The following EYS variants were observed in gnomAD, a reference collection of about 807,000 sequenced individuals.
EYS encodes the protein EGF-like photoreceptor maintenance factor.
A neutral mutation model predicts 282.1 loss-of-function variants in EYS; 250 were observed. The observed-to-expected ratio is 0.89, with a 90% CI of 0.80 to 0.98. EYS has a LOEUF of 0.98. Ranked by LOEUF, EYS falls within the 50% of genes least tolerant of loss-of-function variation. The probability of loss-of-function intolerance (pLI) is 0.00; values close to 1 mark genes in which losing one functional copy is unlikely to be tolerated. For synonymous variants in EYS, 1,355 were observed against 1,282.9 expected (o/e 1.06, Z -1.20); for missense variants, 4,016 against 3,709.0 (o/e 1.08, Z -2.15).
intron 35 of EYS, among the ~76,000 whole-genome samples, chr6:63,867,104 G>T (rs551024062): frequency 2.6e-5 from 4 of 152,072 alleles, no homozygotes; most frequent in Non-Finnish European, 5.9e-5. Context: ...GTAGCAAAAG[G>T]CAGTGTTGAC....
At chr6:65,604,501 G>A (rs1765716528) in intron 2 of EYS, among the ~76,000 whole-genome samples, 2 of 151,866 alleles carry the variant, frequency 1.3e-5, no homozygotes, top group African/African-American at 4.8e-5. Flanking sequence ...CTATCCACAT[G>A]AGTACTAAAA....
At position 64,082,563 on chromosome 6, in the gene EYS, T is replaced by C. The variant is rs1301664232; in HGVS notation, c.6425-561A>G. Among the ~76,000 whole-genome samples the C allele has an allele frequency of 7.2e-5, 11 of 152,224 alleles. No individual in the cohort carries two copies. In the East Asian group the frequency reaches 1.9e-3, roughly 27 times the overall value. On this transcript the variant is annotated intron_variant, in intron 31 of 42. Coordinates refer to ENST00000503581, the MANE Select transcript of EYS (RefSeq NM_001142800.2). ...ATAAATTTTATTTGATGTAATTATA[T>C]GTCAATAAAGTGAAAAAAATTCTGT...
intron 35 of EYS, among the ~76,000 whole-genome samples, chr6:63,880,841 T>C (rs1773113925): frequency 6.6e-6 from 1 of 152,224 alleles, no homozygotes; most frequent in African/African-American, 2.4e-5. Flanking sequence ...ACTAAATCTC[T>C]TGGAATCAGT....
At chr6:64,008,963 T>C (rs1768477245) in intron 33 of EYS, among the ~76,000 whole-genome samples, 1 of 152,156 alleles carries the variant, frequency 6.6e-6, no homozygotes, top group African/African-American at 2.4e-5. Context: ...TCATCTTGTA[T>C]AGTATCTAAC....
intron 35 of EYS, among the ~76,000 whole-genome samples, chr6:63,936,387 T>C (rs966081342): frequency 6.6e-6 from 1 of 152,224 alleles, no homozygotes; most frequent in Non-Finnish European, 1.5e-5. Flanking sequence ...CATCCCTGGA[T>C]CATCATTGTT....
At chr6:63,956,679 T>C (rs1340666588) in intron 35 of EYS, among the ~76,000 whole-genome samples, 1 of 152,250 alleles carries the variant, frequency 6.6e-6, no homozygotes, top group African/African-American at 2.4e-5. Flanking sequence ...TATGAAATTA[T>C]TTAATCAAGC....
chr6:65,187,553 C>T (rs1189145393), intron 12 of EYS, among the ~76,000 whole-genome samples: 2 of 151,710 alleles, frequency 1.3e-5, no homozygotes, highest in Middle Eastern at 3.4e-3. Flanking sequence ...GTTTTCACTT[C>T]TATTTGAGAA....
intron 12 of EYS, among the ~76,000 whole-genome samples, chr6:65,070,809 G>C (rs976959033): frequency 1.3e-5 from 2 of 151,736 alleles, no homozygotes; most frequent in Admixed American, 1.3e-4. Context: ...CCACTCAACT[G>C]TAAACAGAAC....
At chr6:65,364,488 A>G (rs560662518) in intron 8 of EYS, among the ~76,000 whole-genome samples, 1 of 151,316 alleles carries the variant, frequency 6.6e-6, no homozygotes, top group African/African-American at 2.4e-5. Context: ...TGCACTTCAG[A>G]TATGTTTTAA....
intron 22 of EYS, among the ~76,000 whole-genome samples, chr6:64,759,371 T>A (rs1773086112): frequency 6.6e-6 from 1 of 152,164 alleles, no homozygotes; most frequent in Non-Finnish European, 1.5e-5. Context: ...AATTAATAAC[T>A]TATTTTTAGG....
chr6:64,881,935 A>G lies in EYS; in HGVS notation c.2992+4762T>C, dbSNP rs542617043. On this transcript the variant is annotated intron_variant, in intron 19 of 42. Transcript: ENST00000503581. ...AATAAGTTAATTAAAAGTACTATTA[A>G]TGTTTGTAATTCAATGATATAAACA... 7.2e-5 allele frequency among the ~76,000 whole-genome samples: 11 copies of G among 151,996 alleles called. No individual in the cohort carries two copies. In the East Asian group the frequency reaches 2.1e-3, roughly 29 times the overall value.
intron 29 of EYS, among the ~76,000 whole-genome samples, chr6:64,348,111 G>T (rs1046692254): frequency 2.6e-5 from 4 of 151,228 alleles, no homozygotes; most frequent in Non-Finnish European, 5.9e-5. Flanking sequence ...CTTGCTAAAA[G>T]AACTGATTGA....
At position 64,115,326 on chromosome 6, in the gene EYS, G is replaced by T. The variant is rs139871120; in HGVS notation, c.6425-33324C>A. 3.3e-5 allele frequency among the ~76,000 whole-genome samples: 5 copies of T among 152,216 alleles called. No homozygotes were observed. The East Asian group carries it at 9.7e-4, about 29-fold the overall frequency. ...GAACTGTAGTCATTGTGTGTCACTTGTGCTCCAAATCCCAACTCTGTGCTC... is the reference window on the plus strand; with the variant it reads ...GAACTGTAGTCATTGTGTGTCACTTTTGCTCCAAATCCCAACTCTGTGCTC... On this transcript the variant is annotated intron_variant, in intron 31 of 42. Coordinates refer to ENST00000503581, the MANE Select transcript of EYS (RefSeq NM_001142800.2).
chr6:63,788,045 A>AT (rs1162994398), intron 39 of EYS, 60 bp downstream of exon 39: 6 of 1,306,192 alleles, frequency 4.6e-6, no homozygotes, highest in Admixed American at 2.9e-5. Flanking sequence ...TCTTTAAAAT[A>AT]TTTTTTTCCC....
At chr6:65,587,642 G>A (rs956266616) in intron 2 of EYS, among the ~76,000 whole-genome samples, 2 of 152,082 alleles carry the variant, frequency 1.3e-5, no homozygotes, top group African/African-American at 4.8e-5. Flanking sequence ...TTGGCAGTGT[G>A]AGAATGGACT....
intron 12 of EYS, among the ~76,000 whole-genome samples, chr6:65,153,125 G>A (rs1429912223): frequency 6.6e-6 from 1 of 151,816 alleles, no homozygotes; most frequent in Non-Finnish European, 1.5e-5. Flanking sequence ...TCCATCTCGC[G>A]AGATTAAGCT....
At chr6:65,214,933 C>T (rs57442319) in intron 12 of EYS, among the ~76,000 whole-genome samples, 6,480 of 152,054 alleles carry the variant, frequency 0.043, 188 homozygotes, top group Middle Eastern at 0.065. Flanking sequence ...ATGGTTTACT[C>T]AATATTTTAA....
intron 22 of EYS, among the ~76,000 whole-genome samples, chr6:64,724,192 C>T (rs1159084323): frequency 6.6e-6 from 1 of 152,040 alleles, no homozygotes; most frequent in Non-Finnish European, 1.5e-5. Context: ...GTCGGTTATA[C>T]ACTAGTTCTC....
At chr6:64,714,849 A>C (rs970103831) in intron 22 of EYS, among the ~76,000 whole-genome samples, 1 of 152,168 alleles carries the variant, frequency 6.6e-6, no homozygotes, top group Non-Finnish European at 1.5e-5. Context: ...CATGATCTCT[A>C]AAATAAATAG....
Sources: gnomAD v4.1 joint callset for allele counts (sites outside exome capture counted in the v4.1 genomes callset) on GRCh38, gnomAD v4.1.1 for gene constraint, MANE v1.5 for transcripts, NCBI Gene and HGNC (gene_info 2026-07-23, HGNC 2026-07-21) for gene names.